The following STX11 variants were observed in gnomAD, a reference collection of about 807,000 sequenced individuals.
STX11 encodes the protein syntaxin 11.
In STX11, 21 loss-of-function variants were observed where a neutral mutation model predicts 19.9. The observed-to-expected ratio is 1.06, with a 90% confidence interval of 0.75 to 1.52. The LOEUF (loss-of-function observed/expected upper bound fraction) is 1.52. Among genes scored for constraint, STX11 ranks in the 40% most tolerant of loss-of-function variants. The pLI, the probability that STX11 is intolerant of heterozygous loss-of-function variation, is 0.00. For missense variants in STX11, 438 were observed against 405.9 expected (o/e 1.08, Z -0.68); for synonymous variants, 193 against 174.4 (o/e 1.11, Z -0.84).
In STX11 at chr6:144,187,060, G is replaced by T. The variant is rs527278192; in HGVS notation, c.433G>T (p.Asp145Tyr). The T allele has an allele frequency of 2.5e-6, 4 of 1,613,194 alleles. No homozygotes were observed. The highest frequency in any genetic ancestry group is 1.7e-5 in the Admixed American group (1 of 60,014). Residue 145 changes from aspartate (D) to tyrosine (Y), a missense_variant, in exon 2 of 2, where the codon GAC (aspartate) becomes TAC (tyrosine). Coordinates refer to ENST00000367568, the MANE Select transcript of STX11 (RefSeq NM_003764.4). This position sits in a 1 kb window ranked among gnomAD's most constrained non-coding sequence, Gnocchi z 5.6. ...CCTCACCTTCCAGCGCGCCATGCAC[G>T]ACTACAACCAGGCCGAGATGAAGCA... ...LTLTFQRAMH[D>Y]YNQAEMKQRD...
chr6:144,144,913 T>G, the STX11 span, among the ~76,000 whole-genome samples: 1 of 152,156 alleles, frequency 6.6e-6, no homozygotes, highest in East Asian at 1.9e-4. Context: ...GGCAAGGAGG[T>G]GGAGACACTG....
At position 144,186,989 on chromosome 6, in the gene STX11, A is replaced by C; in HGVS notation, c.362A>C (p.His121Pro). 1 of 1,609,698 alleles carries C rather than the reference A, an allele frequency of 6.2e-7. No individual in the cohort carries two copies. The highest frequency in any genetic ancestry group is 1.7e-4 in the Middle Eastern group (1 of 6,060). ...GCGGCTGAGGCCCAGCACGGCCCGC[A>C]CTCGGCAGTGGCGCGCATTTCGCGG... ...SEAAEAQHGP[H>P]SAVARISRAQ... Residue 121 changes from histidine (H) to proline (P), a missense_variant, in exon 2 of 2, where the codon CAC becomes CCC. Transcript: ENST00000367568.
the STX11 span, among the ~76,000 whole-genome samples, chr6:144,142,792 G>A: frequency 2.0e-5 from 3 of 152,204 alleles, no homozygotes; most frequent in Admixed American, 2.0e-4. Flanking sequence ...ACAAATTACG[G>A]TTGGATAAAA....
At position 144,180,663 on chromosome 6, in the gene STX11, C is replaced by T. The variant is rs1371858574; in HGVS notation, c.-5-5960C>T. 6.6e-6 allele frequency among the ~76,000 whole-genome samples: 1 copy of T among 152,212 alleles called. No homozygotes were observed. The highest frequency in any genetic ancestry group is 1.5e-5 in the Non-Finnish European group (1 of 68,040). On this transcript the variant is annotated intron_variant, in intron 1 of 1. Transcript: ENST00000367568. The surrounding 1 kb of genome is among the most constrained non-coding windows in gnomAD (Gnocchi z 5.3). ...TAAGTCCAATTAAACCTCTTTTCTT[C>T]CCAGTCTTGGGTATGTCTTTATCAG...
chr6:144,187,277 T>C lies in STX11; in HGVS notation c.650T>C (p.Leu217Pro). The C allele has an allele frequency of 1.2e-6, 2 of 1,613,206 alleles. No individual in the cohort carries two copies. Among genetic ancestry groups the C allele is most frequent in the Non-Finnish European group, 1.7e-6 (2 of 1,179,920 alleles). The part of the protein sequence containing the change: ...IESRHRELLR[L>P]ESRIRDVHEL... ...AGCCGCCACCGCGAACTGCTGCGCC[T>C]GGAGAGCCGCATCCGCGACGTACAC... Residue 217 changes from leucine to proline, a missense_variant, in exon 2 of 2, where the codon CTG (leucine) becomes CCG (proline). Coordinates refer to ENST00000367568, the MANE Select transcript of STX11 (RefSeq NM_003764.4). This position sits in a 1 kb window ranked among gnomAD's most constrained non-coding sequence, Gnocchi z 5.6.
At position 144,151,502 on chromosome 6, in the gene STX11, T is replaced by A. The variant is rs1801005803; in HGVS notation, c.-6+799T>A. The stretch of plus-strand genomic sequence containing the variant: ...GCTTGCTTTAAAATGAGACTCTAGA[T>A]GTGAAATGCCTGCCCTGCCAACCTG... On this transcript the variant is annotated intron_variant, in intron 1 of 1. Coordinates refer to ENST00000367568, the MANE Select transcript of STX11 (RefSeq NM_003764.4). This position sits in a 1 kb window ranked among gnomAD's most constrained non-coding sequence, Gnocchi z 4.6. 1 of 917,994 alleles carries A rather than the reference T, an allele frequency of 1.1e-6. No individual in the cohort carries two copies. The allele number at this position is 917,994 out of a possible 1,614,324, so 56.9% of individuals were successfully genotyped here. A position where few individuals can be genotyped will look rare whatever the true frequency, so the allele number is the denominator to read the frequency against.
rs1385279132 is a variant in STX11, at chr6:144,160,299, C to T, written c.-6+9596C>T. Among the ~76,000 whole-genome samples the T allele has an allele frequency of 2.0e-5, 3 of 152,160 alleles. No individual in the cohort carries two copies. Among genetic ancestry groups the T allele is most frequent in the Non-Finnish European group, 4.4e-5 (3 of 68,034 alleles). ...GGGATTACAGGAGTGAGCCACTGTG[C>T]CTGGCCTTTTTAAAAATTATTTTTG... On this transcript the variant is annotated intron_variant, in intron 1 of 1. Transcript: ENST00000367568. The surrounding 1 kb of genome is among the most constrained non-coding windows in gnomAD (Gnocchi z 4.3).
chr6:144,142,921 T>C, the STX11 span, among the ~76,000 whole-genome samples: 1 of 152,218 alleles, frequency 6.6e-6, no homozygotes, highest in Admixed American at 6.5e-5. Flanking sequence ...GTTTCCAACA[T>C]ATGGAAATGA....
At chr6:144,140,737 A>G in the STX11 span, 47 of 985,206 alleles carry the variant, frequency 4.8e-5, no homozygotes, top group Non-Finnish European at 5.4e-5. Context: ...AGACAAAGAC[A>G]TGGAGCAGCC....
rs377667339 is a variant in STX11 at position 144,154,055 on chromosome 6, A to C, written c.-6+3352A>C. ...GTTAAGCCTTTTACTCGTCAGTACAATCCTGTGAGATAGGTACTCAAATTA... is the reference window on the plus strand; with the variant it reads ...GTTAAGCCTTTTACTCGTCAGTACACTCCTGTGAGATAGGTACTCAAATTA... On this transcript the variant is annotated intron_variant, in intron 1 of 1. Transcript: ENST00000367568. This position sits in a 1 kb window ranked among gnomAD's most constrained non-coding sequence, Gnocchi z 4.7. Among the ~76,000 whole-genome samples the C allele has an allele frequency of 1.3e-5, 2 of 152,196 alleles. No individual in the cohort carries two copies. The highest frequency in any genetic ancestry group is 3.9e-4 in the East Asian group (2 of 5,190).
At position 144,162,660 on chromosome 6, in the gene STX11, A is replaced by G. The variant is rs975333139; in HGVS notation, c.-6+11957A>G. On this transcript the variant is annotated intron_variant, in intron 1 of 1. Transcript: ENST00000367568. This position sits in a 1 kb window ranked among gnomAD's most constrained non-coding sequence, Gnocchi z 4.6. Reference sequence around the variant, plus strand: ...AGGCATGGGATGTTTTGATGGACAAATTTGAATTTGGATAGGGGATGGGAA... The same window carrying G: ...AGGCATGGGATGTTTTGATGGACAAGTTTGAATTTGGATAGGGGATGGGAA... Among the ~76,000 whole-genome samples the G allele has an allele frequency of 6.6e-6, 1 of 152,176 alleles. No homozygotes were observed. Among genetic ancestry groups the G allele is most frequent in the African/African-American group, 2.4e-5 (1 of 41,452 alleles).
At position 144,187,626 on chromosome 6, in the gene STX11, C is replaced by G; in HGVS notation, c.*135C>G. On this transcript the variant is annotated 3_prime_UTR_variant, in exon 2 of 2. Transcript: ENST00000367568. The surrounding 1 kb of genome is among the most constrained non-coding windows in gnomAD (Gnocchi z 5.6). ...AACTCAGTCTTTAGAAAAGAAACGCCAGGTTCAAGAATTGCAAACCAGCCT... is the reference window on the plus strand; with the variant it reads ...AACTCAGTCTTTAGAAAAGAAACGCGAGGTTCAAGAATTGCAAACCAGCCT... The G allele has an allele frequency of 8.1e-7, 1 of 1,231,560 alleles. No individual in the cohort carries two copies. Among genetic ancestry groups the G allele is most frequent in the Non-Finnish European group, 1.1e-6 (1 of 875,762 alleles). 76.3% of individuals were successfully genotyped at this position (1,231,560 alleles called of 1,614,324 possible). A position where few individuals can be genotyped will look rare whatever the true frequency, so the allele number is the denominator to read the frequency against.
Position 144,155,940 on chromosome 6 carries a change from A to ATCTATCCTTTCTT in STX11, c.-6+5240_-6+5241insATCCTTTCTTTCT, listed in dbSNP as rs1425569407. 4.4e-4 allele frequency among the ~76,000 whole-genome samples: 53 copies of ATCTATCCTTTCTT among 119,942 alleles called. 1 individual carries two copies. Among genetic ancestry groups the ATCTATCCTTTCTT allele is most frequent in the East Asian group, 2.0e-3 (8 of 3,928 alleles). 78.7% of individuals were successfully genotyped at this position (119,942 alleles called of 152,430 possible). ...CTAATTAAATGTGTTTTAAAATTTA[A>ATCTATCCTTTCTT]TCTTTCTTTCTTTCTTTCTTTCTTT... On this transcript the variant is annotated intron_variant, in intron 1 of 1. Coordinates refer to ENST00000367568, the MANE Select transcript of STX11 (RefSeq NM_003764.4). This position sits in a 1 kb window ranked among gnomAD's most constrained non-coding sequence, Gnocchi z 4.5.
chr6:144,153,546 A>G lies in STX11; in HGVS notation c.-6+2843A>G, dbSNP rs149677372. Among the ~76,000 whole-genome samples, 104 of 152,368 alleles carry G rather than the reference A, an allele frequency of 6.8e-4. 2 individuals carry two copies. In the Middle Eastern group the frequency reaches 0.017, roughly 25 times the overall value. On this transcript the variant is annotated intron_variant, in intron 1 of 1. Transcript: ENST00000367568. This position sits in a 1 kb window ranked among gnomAD's most constrained non-coding sequence, Gnocchi z 5.0. ...ATCACAAAGGCCCCATGAGGGTTTA[A>G]TAGTACTGAAGCCTTTGAACAAGTG...
chr6:144,150,267 G>A (rs964110633), upstream of STX11, among the ~76,000 whole-genome samples: 1 of 152,252 alleles, frequency 6.6e-6, no homozygotes, highest in East Asian at 1.9e-4. Flanking sequence ...CGGAGGAAGT[G>A]TCTTGGGCGG....
chr6:144,140,451 C>T, the STX11 span, among the ~76,000 whole-genome samples: 1 of 151,458 alleles, frequency 6.6e-6, no homozygotes, highest in South Asian at 2.1e-4. Context: ...GATGGGGTTT[C>T]GCCGTGTTGG....
At chr6:144,163,131 G>A (rs753413750) in intron 1 of STX11, among the ~76,000 whole-genome samples, 14 of 152,298 alleles carry the variant, frequency 9.2e-5, no homozygotes, top group South Asian at 2.1e-4. Context: ...TCATAGTTCC[G>A]TCTTTAAATG....
At chr6:144,161,259 A>T (rs1801329859) in intron 1 of STX11, among the ~76,000 whole-genome samples, 1 of 152,252 alleles carries the variant, frequency 6.6e-6, no homozygotes, top group African/African-American at 2.4e-5. Context: ...GATGAAACGT[A>T]TTCCTTAAGG....
At position 144,165,028 on chromosome 6, in the gene STX11, T is replaced by C. The variant is rs189683329; in HGVS notation, c.-6+14325T>C. On this transcript the variant is annotated intron_variant, in intron 1 of 1. Transcript: ENST00000367568. The surrounding 1 kb of genome is among the most constrained non-coding windows in gnomAD (Gnocchi z 5.8). ...GCTTAAAAAGAGCACAGTTGCTACA[T>C]GGAACAGTTTCAATTGGGGTAAATG... Among the ~76,000 whole-genome samples the C allele has an allele frequency of 1.9e-3, 290 of 152,224 alleles. No homozygotes were observed. Among genetic ancestry groups the C allele is most frequent in the African/African-American group, 6.7e-3 (279 of 41,544 alleles).
Sources: gnomAD v4.1 joint callset for allele counts (sites outside exome capture counted in the v4.1 genomes callset) on GRCh38, gnomAD v4.1.1 for gene constraint, Gnocchi (gnomAD v3.1) non-coding constraint, MANE v1.5 for transcripts, NCBI Gene and HGNC (gene_info 2026-07-23, HGNC 2026-07-21) for gene names.